PRKAR1B: variants seen among roughly 807,000 people sequenced by gnomAD.
PRKAR1B encodes the protein protein kinase cAMP-dependent type I regulatory subunit beta, also known as cAMP-dependent protein kinase type I-beta regulatory subunit.
PRKAR1B carries 22 observed loss-of-function variants against 46.5 expected under a neutral mutation model. That is an observed-to-expected ratio of 0.47 (90% CI 0.34 to 0.68). The LOEUF is 0.68. Ranked by LOEUF, PRKAR1B falls within the 30% of genes least tolerant of loss-of-function variation. The probability of loss-of-function intolerance (pLI) is 0.01; values close to 1 mark genes in which losing one functional copy is unlikely to be tolerated. For missense variants in PRKAR1B, 445 were observed against 535.6 expected, an observed-to-expected ratio of 0.83 and a Z score of 1.67; for synonymous variants, 259 against 217.7, an observed-to-expected ratio of 1.19 and a Z score of -1.67.
At chr7:601,907 C>A (rs1047154287) in intron 6 of PRKAR1B, among the ~76,000 whole-genome samples, 1 of 74,142 alleles carries the variant, frequency 1.3e-5, no homozygotes, top group South Asian at 5.4e-4. Context: ...GGGGTAGGGA[C>A]GGGCAGGGGG....
At chr7:557,108 G>A (rs985198497) in intron 9 of PRKAR1B, among the ~76,000 whole-genome samples, 1 of 152,344 alleles carries the variant, frequency 6.6e-6, no homozygotes, top group African/African-American at 2.4e-5. Context: ...ACTGGGAGGA[G>A]GGGAGCGCGG....
intron 2 of PRKAR1B, among the ~76,000 whole-genome samples, chr7:692,448 G>A (rs1779486229): frequency 6.6e-6 from 1 of 151,944 alleles, no homozygotes; most frequent in South Asian, 2.1e-4. Context: ...GAGAGAGAAG[G>A]AGAAGAGAAG....
In PRKAR1B at chr7:585,579, A is replaced by G. The variant is rs185272688; in HGVS notation, c.709-1011T>C. 3.3e-5 allele frequency among the ~76,000 whole-genome samples: 5 copies of G among 150,582 alleles called. No homozygotes were observed. In the East Asian group the frequency reaches 5.8e-4, roughly 17 times the overall value. On this transcript the variant is annotated intron_variant, in intron 7 of 10. Coordinates refer to ENST00000537384, the MANE Select transcript of PRKAR1B (RefSeq NM_001164760.2). ...TGATGAGGTTTTTCCGTGACCCTAG[A>G]TAAGTCCCCTGGGGTGTGGAGAAAG... is the stretch of plus-strand genomic sequence containing the variant.
chr7:607,719 G>A, intron 4 of PRKAR1B: 2 of 381,704 alleles, frequency 5.2e-6, no homozygotes, highest in Non-Finnish European at 4.8e-6. Flanking sequence ...ACAAAAATGG[G>A]GTCATGCCAT....
intron 6 of PRKAR1B, 90 bp downstream of exon 6, chr7:606,103 G>T (rs1013959021): frequency 1.6e-6 from 2 of 1,288,970 alleles, no homozygotes; most frequent in African/African-American, 1.5e-5. Context: ...CGCAGTGTTT[G>T]TTGGGGGCCT....
Position 711,350 on chromosome 7 carries a change from C to G in PRKAR1B, c.156G>C (p.Glu52Asp). The part of the protein sequence containing the change: ...KPERPMKFLR[E>D]HFEKLEKEEN... ...TCACCTTCTCCAGCTTCTCGAAGTG[C>G]TCCCGGAGGAACTTCATGGGGCGTT... The change falls in exon 2 of 11, where the codon GAG becomes GAC. Residue 52 changes from glutamate to aspartate, a missense_variant. This residue lies in a region of PRKAR1B where 155 missense variants were observed against 127.5 expected (regional missense o/e 1.22). Coordinates refer to ENST00000537384, the MANE Select transcript of PRKAR1B (RefSeq NM_001164760.2). 3 of 1,614,202 alleles carry G rather than the reference C, an allele frequency of 1.9e-6. No individual in the cohort carries two copies. Among genetic ancestry groups the G allele is most frequent in the Non-Finnish European group, 2.5e-6 (3 of 1,180,010 alleles).
chr7:668,002 T>C (rs6463016), intron 4 of PRKAR1B, among the ~76,000 whole-genome samples: 6,904 of 152,236 alleles, frequency 0.045, 345 homozygotes, highest in African/African-American at 0.12. Flanking sequence ...CGCACAACCT[T>C]ATGTATCTCC....
At chr7:650,015 G>A (rs1412365230) in intron 4 of PRKAR1B, among the ~76,000 whole-genome samples, 4 of 141,626 alleles carry the variant, frequency 2.8e-5, no homozygotes, top group Admixed American at 7.5e-5. Context: ...TTAGGGTCTT[G>A]CTATGCGGCC....
chr7:613,223 T>C (rs1782625217), intron 4 of PRKAR1B, among the ~76,000 whole-genome samples: 1 of 149,616 alleles, frequency 6.7e-6, no homozygotes, highest in Admixed American at 6.6e-5. Flanking sequence ...TTTTCATGTG[T>C]TTTTTTCTTT....
rs569883673 is a variant in PRKAR1B, at chr7:571,008, G to A, written c.891+8248C>T. Among the ~76,000 whole-genome samples, 8 of 152,286 alleles carry A rather than the reference G, an allele frequency of 5.3e-5. No individual in the cohort carries two copies. In the East Asian group the frequency reaches 9.7e-4, roughly 18 times the overall value. The stretch of plus-strand genomic sequence containing the variant: ...AGGACAGGGCGTGTCTGCGGCCCAC[G>A]GCATCTCTCCAGCCCCGGGACCGGA... On this transcript the variant is annotated intron_variant, in intron 9 of 10. Transcript: ENST00000537384.
chr7:682,341 G>A (rs1284983306), intron 2 of PRKAR1B, among the ~76,000 whole-genome samples: 4 of 152,178 alleles, frequency 2.6e-5, no homozygotes, highest in African/African-American at 9.7e-5. Context: ...GGGTGTGGTG[G>A]CTTCTGGCCG....
intron 4 of PRKAR1B, among the ~76,000 whole-genome samples, chr7:635,436 T>C (rs1482345763): frequency 6.6e-6 from 1 of 151,962 alleles, no homozygotes; most frequent in African/African-American, 2.4e-5. Context: ...AGGATCGGAG[T>C]GGACGGCAAC....
chr7:573,250 C>T (rs1018019531), intron 9 of PRKAR1B, among the ~76,000 whole-genome samples: 1 of 152,214 alleles, frequency 6.6e-6, no homozygotes, highest in South Asian at 2.1e-4. Context: ...GCTATGAAAG[C>T]GATACCTTCC....
intron 4 of PRKAR1B, among the ~76,000 whole-genome samples, chr7:673,070 A>AAAAAAC (rs1786366850): frequency 1.7e-4 from 24 of 143,312 alleles, no homozygotes; most frequent in South Asian, 8.9e-4. Context: ...AAAAAAAAAA[A>AAAAAAC]AAAAAAAACA....
At position 550,514 on chromosome 7, in the gene PRKAR1B, G is replaced by A. The variant is rs1784113073; in HGVS notation, c.1062C>T (p.Arg354=). 1.9e-6 allele frequency: 3 copies of A among 1,603,476 alleles called. No homozygotes were observed. The highest frequency in any genetic ancestry group is 3.4e-5 in the Admixed American group (2 of 58,710). ...AGCAGGGCCCCAGCACACGCTCGAAGCGGGGCCGGTCCAGCTTCACACACT... is the reference window on the plus strand; with the variant it reads ...AGCAGGGCCCCAGCACACGCTCGAAACGGGGCCGGTCCAGCTTCACACACT... ...PLKCVKLDRP[R]FERVLGPCSE... Residue 354 remains arginine (R), a synonymous_variant, in exon 11 of 11, where the codon CGC becomes CGT. Coordinates refer to ENST00000537384, the MANE Select transcript of PRKAR1B (RefSeq NM_001164760.2).
At chr7:611,688 A>G (rs1221927129) in intron 4 of PRKAR1B, among the ~76,000 whole-genome samples, 5 of 152,222 alleles carry the variant, frequency 3.3e-5, no homozygotes, top group Non-Finnish European at 2.9e-5. Flanking sequence ...CCTCAGCACA[A>G]TATGGATGGT....
At chr7:562,561 T>A (rs1778868798) in intron 9 of PRKAR1B, among the ~76,000 whole-genome samples, 1 of 152,176 alleles carries the variant, frequency 6.6e-6, no homozygotes, top group African/African-American at 2.4e-5. Flanking sequence ...CCACCAGGCC[T>A]GCACTCATCA....
intron 4 of PRKAR1B, among the ~76,000 whole-genome samples, chr7:621,859 C>T (rs537671741): frequency 6.6e-6 from 1 of 152,332 alleles, no homozygotes; most frequent in Admixed American, 6.5e-5. Flanking sequence ...GTGAAGCACT[C>T]AGCAGAATAA....
rs1188721599 is a variant in PRKAR1B at position 667,237 on chromosome 7, T to C, written c.440+9992A>G. Among the ~76,000 whole-genome samples the C allele has an allele frequency of 6.6e-6, 1 of 152,158 alleles. No homozygotes were observed. The highest frequency in any genetic ancestry group is 1.5e-5 in the Non-Finnish European group (1 of 68,018). ...ATGGTGATGACTATGATGGTGATGA[T>C]AATGATGGTGGTGATAACAGTACAC... On this transcript the variant is annotated intron_variant, in intron 4 of 10. Transcript: ENST00000537384. The surrounding 1 kb of genome is among the most constrained non-coding windows in gnomAD (Gnocchi z 4.3).
Sources: gnomAD v4.1 joint callset for allele counts (sites outside exome capture counted in the v4.1 genomes callset) on GRCh38, gnomAD v4.1.1 for gene constraint, gnomAD v4.1.1 regional missense constraint, Gnocchi (gnomAD v3.1) non-coding constraint, MANE v1.5 for transcripts, NCBI Gene and HGNC (gene_info 2026-07-23, HGNC 2026-07-21) for gene names.